PRIM2: variants seen among roughly 807,000 people sequenced by gnomAD.
PRIM2 encodes the protein DNA primase subunit 2.
A neutral mutation model predicts 67.3 loss-of-function variants in PRIM2; 39 were observed. That is an observed-to-expected ratio of 0.58 (90% CI 0.45 to 0.76). The LOEUF is 0.76. Among genes scored for constraint, PRIM2 ranks in the 30% least tolerant of loss-of-function variants. The probability of loss-of-function intolerance (pLI) is 0.00; values close to 1 mark genes in which losing one functional copy is unlikely to be tolerated. For missense variants in PRIM2, 398 were observed against 598.7 expected (o/e 0.66, Z 3.50); for synonymous variants, 143 against 198.7 (o/e 0.72, Z 2.36).
chr6:57,405,635 A>G (rs1216569367), intron 7 of PRIM2, among the ~76,000 whole-genome samples: 4 of 136,392 alleles, frequency 2.9e-5, no homozygotes, highest in Non-Finnish European at 6.2e-5. Flanking sequence ...TAAATGTTAA[A>G]AAGAAGTGTG....
At chr6:57,427,187 C>T (rs76143080) in intron 7 of PRIM2, among the ~76,000 whole-genome samples, 4 of 151,980 alleles carry the variant, frequency 2.6e-5, no homozygotes, top group African/African-American at 7.3e-5. Context: ...TCTTAGTTTT[C>T]GTGTTACAGG....
chr6:57,549,795 A>G (rs1775363544), intron 10 of PRIM2, among the ~76,000 whole-genome samples: 1 of 152,118 alleles, frequency 6.6e-6, no homozygotes, highest in Non-Finnish European at 1.5e-5. Flanking sequence ...ATTTGAATGT[A>G]ATGAAAAAAA....
intron 7 of PRIM2, among the ~76,000 whole-genome samples, chr6:57,429,359 A>G (rs1771743552): frequency 6.6e-6 from 1 of 152,178 alleles, no homozygotes. Flanking sequence ...AAGACAGGCC[A>G]GGGTGGTAAA....
At chr6:57,521,367 GTTTTTTTT>G (rs1163114437) in intron 8 of PRIM2, among the ~76,000 whole-genome samples, 15 of 97,968 alleles carry the variant, frequency 1.5e-4, no homozygotes, top group Admixed American at 2.8e-4. Context: ...TGTGGTTAGG[GTTTTTTTT>G]TTTTTTTTTT....
At chr6:57,446,473 G>T (rs1302254043) in intron 7 of PRIM2, among the ~76,000 whole-genome samples, 4 of 128,928 alleles carry the variant, frequency 3.1e-5, no homozygotes, top group African/African-American at 1.1e-4. Context: ...GAGTGTAGTG[G>T]CACCATCACG....
intron 7 of PRIM2, among the ~76,000 whole-genome samples, chr6:57,477,431 C>T (rs1442062618): frequency 4.0e-4 from 61 of 152,252 alleles, no homozygotes; most frequent in African/African-American, 1.2e-3. Flanking sequence ...GAATTAATAA[C>T]GTCAAATATC....
chr6:57,347,845 T>C (rs9475864), intron 5 of PRIM2, among the ~76,000 whole-genome samples: 19,325 of 152,142 alleles, frequency 0.13, 1,369 homozygotes, highest in African/African-American at 0.18. Context: ...TATTTAGAGA[T>C]GTATAAGTCA....
At chr6:57,350,954 A>G (rs1380660219) in intron 5 of PRIM2, among the ~76,000 whole-genome samples, 1 of 151,172 alleles carries the variant, frequency 6.6e-6, no homozygotes, top group Non-Finnish European at 1.5e-5. Context: ...GTCATGGGAA[A>G]GAGTGGAAGA....
At chr6:57,317,268 T>C (rs1454835009), upstream of PRIM2, among the ~76,000 whole-genome samples, 1 of 152,166 alleles carries the variant, frequency 6.6e-6, no homozygotes, top group Non-Finnish European at 1.5e-5. Flanking sequence ...GTGCCAGCCC[T>C]GAGGGTTAAA....
the PRIM2 span, among the ~76,000 whole-genome samples, chr6:57,271,931 A>T: frequency 2.0e-5 from 3 of 152,294 alleles, no homozygotes; most frequent in East Asian, 5.8e-4. Flanking sequence ...CACGTAGTTG[A>T]GCAGATTTGA....
the PRIM2 span, among the ~76,000 whole-genome samples, chr6:57,264,004 G>T: frequency 6.6e-6 from 1 of 152,156 alleles, no homozygotes; most frequent in South Asian, 2.1e-4. Flanking sequence ...CAACTCCTTG[G>T]TTGATTTATT....
the PRIM2 span, among the ~76,000 whole-genome samples, chr6:57,268,985 A>G: frequency 1.1e-4 from 16 of 151,858 alleles, no homozygotes; most frequent in Non-Finnish European, 2.1e-4. Context: ...ATGGCTGCAT[A>G]GTATTCCATG....
chr6:57,359,327 T>G (rs1289814775), intron 5 of PRIM2, among the ~76,000 whole-genome samples: 1 of 152,218 alleles, frequency 6.6e-6, no homozygotes, highest in Non-Finnish European at 1.5e-5. Flanking sequence ...ATTGCCATGC[T>G]GGAGAGGCAT....
chr6:57,478,280 C>A (rs1773526481), intron 7 of PRIM2, among the ~76,000 whole-genome samples: 1 of 151,724 alleles, frequency 6.6e-6, no homozygotes, highest in Admixed American at 6.6e-5. Flanking sequence ...AGGTACGTTG[C>A]CACTTAGACT....
At chr6:57,496,833 C>T (rs1774014601) in intron 7 of PRIM2, among the ~76,000 whole-genome samples, 1 of 151,848 alleles carries the variant, frequency 6.6e-6, no homozygotes, top group African/African-American at 2.4e-5. Flanking sequence ...TGATTTTTGG[C>T]TGAAAAAAAT....
At chr6:57,421,058 A>C (rs1771444179) in intron 7 of PRIM2, among the ~76,000 whole-genome samples, 2 of 152,288 alleles carry the variant, frequency 1.3e-5, no homozygotes, top group Admixed American at 1.3e-4. Context: ...AAGAAATCTG[A>C]AAACGAATCT....
At chr6:57,422,190 A>G (rs929272974) in intron 7 of PRIM2, among the ~76,000 whole-genome samples, 1 of 85,952 alleles carries the variant, frequency 1.2e-5, no homozygotes, top group African/African-American at 4.1e-5. Context: ...AGTCTCTCTC[A>G]GTCGCCCAGG....
At chr6:57,387,410 A>G (rs1399890744) in intron 7 of PRIM2, among the ~76,000 whole-genome samples, 1 of 152,180 alleles carries the variant, frequency 6.6e-6, no homozygotes, top group East Asian at 1.9e-4. Flanking sequence ...TGTGCATTAT[A>G]TGGATGAGGA....
chr6:57,243,925 A>G, the PRIM2 span, among the ~76,000 whole-genome samples: 1 of 152,206 alleles, frequency 6.6e-6, no homozygotes, highest in Non-Finnish European at 1.5e-5. Flanking sequence ...CTTTAATTAT[A>G]CCTGTTAAAG....
Sources: gnomAD v4.1 joint callset for allele counts (sites outside exome capture counted in the v4.1 genomes callset) on GRCh38, gnomAD v4.1.1 for gene constraint, MANE v1.5 for transcripts, NCBI Gene and HGNC (gene_info 2026-07-23, HGNC 2026-07-21) for gene names.